The following SEL1L2 variants were observed in gnomAD, a reference collection of about 807,000 sequenced individuals.
SEL1L2 encodes protein sel-1 homolog 2.
SEL1L2 carries 89 observed loss-of-function variants against 98.8 expected under a neutral mutation model. That is an observed-to-expected ratio of 0.90 (90% CI 0.76 to 1.07). SEL1L2 has a LOEUF of 1.07. Among genes scored for constraint, SEL1L2 ranks in the 50% least tolerant of loss-of-function variants. The pLI is 0.00. For synonymous variants in SEL1L2, 262 were observed against 278.5 expected, an observed-to-expected ratio of 0.94 and a Z score of 0.59; for missense variants, 788 against 812.0, an observed-to-expected ratio of 0.97 and a Z score of 0.36.
intron 2 of SEL1L2, among the ~76,000 whole-genome samples, chr20:13,943,112 T>C (rs185194928): frequency 8.5e-5 from 13 of 152,318 alleles, no homozygotes; most frequent in Middle Eastern, 3.4e-3. Context: ...AGTAAAAATA[T>C]TTCTTCCTCT....
At chr20:13,878,316 T>TC (rs1467312322) in intron 10 of SEL1L2, among the ~76,000 whole-genome samples, 2 of 150,952 alleles carry the variant, frequency 1.3e-5, no homozygotes, top group East Asian at 3.9e-4. Context: ...TCTTTTTTTT[T>TC]TTTTCGAGAC....
chr20:13,865,055 T>C (rs1047126472), intron 17 of SEL1L2, 112 bp downstream of exon 17: 3 of 752,974 alleles, frequency 4.0e-6, no homozygotes, highest in African/African-American at 1.8e-5. Context: ...TGTCACCTAC[T>C]TGATATTCTA....
Position 13,869,152 on chromosome 20 carries a change from T to C in SEL1L2, c.1255+351A>G, listed in dbSNP as rs192591206. On this transcript the variant is annotated intron_variant, in intron 14 of 19. Transcript: ENST00000284951. ...TCTCACCCTCTTGCTCCTTTCCTTT[T>C]GCAACCTCAACTACTCTTAACTAAT... Among the ~76,000 whole-genome samples the C allele has an allele frequency of 9.8e-4, 150 of 152,292 alleles. 2 individuals carry two copies. Among genetic ancestry groups the C allele is most frequent in the Admixed American group, 1.6e-3 (24 of 15,280 alleles).
At chr20:13,956,945 G>A (rs1420049468) in intron 1 of SEL1L2, among the ~76,000 whole-genome samples, 1 of 152,054 alleles carries the variant, frequency 6.6e-6, no homozygotes, top group Non-Finnish European at 1.5e-5. Flanking sequence ...ATGCAAATAT[G>A]TGATACATTC....
At chr20:13,894,567 AAAAC>A (rs145378529) in intron 5 of SEL1L2, among the ~76,000 whole-genome samples, 9,617 of 152,274 alleles carry the variant, frequency 0.063, 361 homozygotes, top group Non-Finnish European at 0.095. Context: ...TTCACAAATC[AAAAC>A]AAACAAACAA....
chr20:13,877,995 A>G (rs1487494857), intron 10 of SEL1L2, among the ~76,000 whole-genome samples: 1 of 152,194 alleles, frequency 6.6e-6, no homozygotes, highest in Non-Finnish European at 1.5e-5. Context: ...AGAATTGGAT[A>G]CACAGTTTGC....
rs146362970 is a variant in SEL1L2 at position 13,986,016 on chromosome 20, G to A, written c.58+4461C>T. On this transcript the variant is annotated intron_variant, in intron 1 of 19. Coordinates refer to ENST00000284951, the MANE Select transcript of SEL1L2 (RefSeq NM_025229.2). ...GTATTCCATTGTATGGATATACCAC[G>A]TTTTGTTGATCTGTTCATCAGTTGC... Among the ~76,000 whole-genome samples the A allele has an allele frequency of 3.0e-4, 46 of 152,212 alleles. 1 individual carries two copies. In the South Asian group the frequency reaches 3.7e-3, roughly 12 times the overall value.
chr20:13,930,443 G>T (rs1431348991), intron 3 of SEL1L2, among the ~76,000 whole-genome samples: 2 of 152,292 alleles, frequency 1.3e-5, no homozygotes, highest in East Asian at 3.9e-4. Context: ...GAACTTTGTG[G>T]TTTCCCTATA....
At chr20:13,895,730 T>G (rs1357765643) in intron 5 of SEL1L2, among the ~76,000 whole-genome samples, 1 of 152,166 alleles carries the variant, frequency 6.6e-6, no homozygotes, top group Non-Finnish European at 1.5e-5. Flanking sequence ...AGCATAGTCA[T>G]GGAAGTCCTA....
chr20:13,889,247 A>G (rs1392625925), intron 5 of SEL1L2, among the ~76,000 whole-genome samples: 2 of 151,814 alleles, frequency 1.3e-5, no homozygotes, highest in Non-Finnish European at 2.9e-5. Context: ...CGGCCTCCCA[A>G]AGTGCTGGGA....
chr20:13,924,188 T>A (rs190160076), intron 3 of SEL1L2, among the ~76,000 whole-genome samples: 177 of 152,332 alleles, frequency 1.2e-3, no homozygotes, highest in African/African-American at 3.9e-3. Context: ...TTGTGCATCA[T>A]GTTTTAAGTA....
intron 5 of SEL1L2, among the ~76,000 whole-genome samples, chr20:13,906,090 G>C (rs1320910966): frequency 6.6e-6 from 1 of 151,886 alleles, no homozygotes; most frequent in Non-Finnish European, 1.5e-5. Flanking sequence ...TGGCCAGGCT[G>C]GTCTCGAACT....
At chr20:13,904,935 C>A (rs866051310) in intron 5 of SEL1L2, among the ~76,000 whole-genome samples, 9 of 152,162 alleles carry the variant, frequency 5.9e-5, no homozygotes, top group African/African-American at 2.2e-4. Context: ...TTGTGCGGTG[C>A]CTGGCAAACT....
At chr20:13,989,083 T>C (rs1042969019) in intron 1 of SEL1L2, among the ~76,000 whole-genome samples, 1 of 152,196 alleles carries the variant, frequency 6.6e-6, no homozygotes, top group Non-Finnish European at 1.5e-5. Context: ...AGTATTGCCA[T>C]CTTACCAATA....
At chr20:13,937,973 T>G (rs1278673385) in intron 2 of SEL1L2, among the ~76,000 whole-genome samples, 3 of 152,214 alleles carry the variant, frequency 2.0e-5, no homozygotes, top group South Asian at 2.1e-4. Context: ...CTAGAGACAC[T>G]TCCAAAGTAG....
intron 2 of SEL1L2, among the ~76,000 whole-genome samples, chr20:13,933,113 G>T (rs142038846): frequency 3.9e-5 from 6 of 152,198 alleles, no homozygotes; most frequent in African/African-American, 1.2e-4. Context: ...GGGAGGTGAG[G>T]CAGAAGAATT....
chr20:13,876,093 G>A lies in SEL1L2; in HGVS notation c.1049C>T (p.Ala350Val), dbSNP rs1568872092. Residue 350 changes from alanine (A) to valine (V), a missense_variant, in exon 12 of 20, where the codon GCC becomes GTC. Coordinates refer to ENST00000284951, the MANE Select transcript of SEL1L2 (RefSeq NM_025229.2). ...GGCAGTAGCGTTATTTTGCGGCACG[G>A]CAGCATTCCCCTCTAAATACATCTA... ...IGKMYLEGNAAVPQNNATAFK... is the reference protein window; with the variant it reads ...IGKMYLEGNAVVPQNNATAFK... The A allele has an allele frequency of 6.2e-7, 1 of 1,613,696 alleles. No homozygotes were observed. The highest frequency in any genetic ancestry group is 8.5e-7 in the Non-Finnish European group (1 of 1,179,594).
At chr20:13,913,602 G>A in intron 5 of SEL1L2, 180 bp downstream of exon 5, 4 of 435,378 alleles carry the variant, frequency 9.2e-6, no homozygotes, top group Non-Finnish European at 1.2e-5. Context: ...AGCTGTTGGG[G>A]GTTCGGAGGC....
intron 5 of SEL1L2, among the ~76,000 whole-genome samples, chr20:13,896,129 C>T (rs577602724): frequency 7.9e-5 from 12 of 152,216 alleles, no homozygotes; most frequent in Admixed American, 2.6e-4. Context: ...AAGCTGAGAT[C>T]GTGCCACGGC....
Sources: gnomAD v4.1 joint callset for allele counts (sites outside exome capture counted in the v4.1 genomes callset) on GRCh38, gnomAD v4.1.1 for gene constraint, MANE v1.5 for transcripts, NCBI Gene and HGNC (gene_info 2026-07-23, HGNC 2026-07-21) for gene names.